The following WTAP variants were observed in gnomAD, a reference collection of about 807,000 sequenced individuals.
The protein encoded by WTAP is pre-mRNA-splicing regulator WTAP.
A neutral mutation model predicts 50.0 loss-of-function variants in WTAP; 8 were observed. The observed-to-expected ratio is 0.16, with a 90% CI of 0.09 to 0.29. The LOEUF (loss-of-function observed/expected upper bound fraction) is 0.29, where lower values mean the gene tolerates loss of function less well. WTAP is among the 10% of genes least tolerant of loss of function. The pLI is 1.00. For synonymous variants in WTAP, 194 were observed against 169.0 expected (o/e 1.15, Z -1.15); for missense variants, 295 against 470.7 (o/e 0.63, Z 3.45).
chr6:159,740,256 A>G (rs1779172348), intron 3 of WTAP, among the ~76,000 whole-genome samples: 1 of 152,028 alleles, frequency 6.6e-6, no homozygotes, highest in East Asian at 1.9e-4. Context: ...GTAGGAGGGG[A>G]AAAATCAGTA....
At chr6:159,737,433 A>G (rs557397124) in intron 2 of WTAP, among the ~76,000 whole-genome samples, 40 of 152,176 alleles carry the variant, frequency 2.6e-4, no homozygotes, top group Non-Finnish European at 4.6e-4. Flanking sequence ...AATTTGAAAC[A>G]TTTTTAAGGA....
intron 2 of WTAP, among the ~76,000 whole-genome samples, chr6:159,736,906 A>G (rs753145546): frequency 6.6e-6 from 1 of 152,240 alleles, no homozygotes; most frequent in Non-Finnish European, 1.5e-5. Context: ...CAATTGGGAA[A>G]GCTTACTAAA....
At chr6:159,735,324 A>G (rs928235384) in intron 1 of WTAP, among the ~76,000 whole-genome samples, 1 of 152,140 alleles carries the variant, frequency 6.6e-6, no homozygotes, top group Admixed American at 6.6e-5. Context: ...ATTTTTTGGT[A>G]GAGACCGAGT....
intron 7 of WTAP, among the ~76,000 whole-genome samples, chr6:159,753,969 T>C (rs534283976): frequency 5.3e-5 from 8 of 152,340 alleles, no homozygotes; most frequent in Non-Finnish European, 7.4e-5. Flanking sequence ...GTGTAAATCT[T>C]AGAAACATGG....
chr6:159,735,227 G>A (rs1429195212), intron 1 of WTAP, among the ~76,000 whole-genome samples: 5 of 152,100 alleles, frequency 3.3e-5, no homozygotes, highest in African/African-American at 4.8e-5. Flanking sequence ...TGCAACCTCC[G>A]CCTCCCAGGT....
intron 4 of WTAP, among the ~76,000 whole-genome samples, chr6:159,742,643 A>ATCACATACTATTTGTTGAG (rs1259253970): frequency 1.3e-5 from 2 of 152,158 alleles, no homozygotes; most frequent in African/African-American, 4.8e-5. Context: ...TACTGTTTGA[A>ATCACATACTATTTGTTGAG]TCACATACTA....
chr6:159,739,242 G>A (rs893429222), intron 3 of WTAP, among the ~76,000 whole-genome samples, 197 bp downstream of exon 3: 1 of 152,062 alleles, frequency 6.6e-6, no homozygotes, highest in Non-Finnish European at 1.5e-5. Flanking sequence ...AGAACTACTA[G>A]GAAGCTATAA....
chr6:159,754,822 ATAT>A (rs1779945619), intron 7 of WTAP, among the ~76,000 whole-genome samples: 2 of 152,128 alleles, frequency 1.3e-5, no homozygotes, highest in Admixed American at 1.3e-4. Flanking sequence ...GGCCAACTGT[ATAT>A]TATTTTAAGT....
intron 1 of WTAP, among the ~76,000 whole-genome samples, chr6:159,732,876 A>G (rs970097613): frequency 3.2e-5 from 4 of 124,248 alleles, no homozygotes; most frequent in African/African-American, 1.0e-4. Context: ...CTCTCTCTGT[A>G]TATATATATA....
At chr6:159,745,773 CTT>C (rs869190017) in intron 5 of WTAP, among the ~76,000 whole-genome samples, 5 of 152,254 alleles carry the variant, frequency 3.3e-5, no homozygotes, top group African/African-American at 1.2e-4. Flanking sequence ...AGGAACAGGA[CTT>C]TAAGCAGGAA....
chr6:159,739,145 G>A, intron 3 of WTAP, 100 bp downstream of exon 3: 2 of 943,952 alleles, frequency 2.1e-6, no homozygotes, highest in East Asian at 5.3e-5. Context: ...TTTTAATGTT[G>A]TTCTATCCTC....
Position 159,748,605 on chromosome 6 carries a change from G to A in WTAP, c.452+236G>A, listed in dbSNP as rs1056339045. The A allele has an allele frequency of 8.3e-6, 11 of 1,324,540 alleles. No individual in the cohort carries two copies. The highest frequency in any genetic ancestry group is 7.5e-5 in the South Asian group (3 of 40,036). 82.0% of individuals were successfully genotyped at this position (1,324,540 alleles called of 1,614,324 possible). On this transcript the variant is annotated intron_variant, in intron 6 of 7. Transcript: ENST00000621533. The surrounding 1 kb of genome is among the most constrained non-coding windows in gnomAD (Gnocchi z 5.6). ...CTTGCTTCAGAGGCCTGATGGCGTCGGACTATTCCGAAGAAGTGGCCACCT... is the reference window on the plus strand; with the variant it reads ...CTTGCTTCAGAGGCCTGATGGCGTCAGACTATTCCGAAGAAGTGGCCACCT...
intron 6 of WTAP, chr6:159,753,218 T>C (rs993639185): frequency 2.0e-6 from 1 of 502,848 alleles, no homozygotes; most frequent in South Asian, 2.2e-5. Flanking sequence ...ATTATTGATG[T>C]AATAGAAACA....
At chr6:159,737,741 C>A (rs1438625417) in intron 2 of WTAP, among the ~76,000 whole-genome samples, 1 of 152,180 alleles carries the variant, frequency 6.6e-6, no homozygotes, top group African/African-American at 2.4e-5. Flanking sequence ...ATACTCCCGC[C>A]TCAGTCTCCC....
chr6:159,727,414 T>C, upstream of WTAP: 1 of 729,538 alleles, frequency 1.4e-6, no homozygotes, highest in Non-Finnish European at 1.7e-6. Flanking sequence ...GCAGTGGCGC[T>C]GGCCTGCGGC....
At chr6:159,746,838 C>T (rs80325933) in intron 5 of WTAP, among the ~76,000 whole-genome samples, 3,546 of 152,278 alleles carry the variant, frequency 0.023, 76 homozygotes, top group Non-Finnish European at 0.034. Context: ...TTATTCTAGT[C>T]TGATTCACCT....
rs185058447 is a variant in WTAP, at chr6:159,747,559, G to A, written c.274-632G>A. On this transcript the variant is annotated intron_variant, in intron 5 of 7. Transcript: ENST00000621533. The stretch of plus-strand genomic sequence containing the variant: ...TAAAGCTGTAACAGCAACTCTTGTA[G>A]CTATAAGTACTGTATATTTTTTCCT... 8.7e-3 allele frequency among the ~76,000 whole-genome samples: 1,319 copies of A among 152,252 alleles called. 11 individuals are homozygous for A. The highest frequency in any genetic ancestry group is 0.014 in the Non-Finnish European group (951 of 68,004).
rs571993364 is a variant in WTAP, at chr6:159,753,451, C to T, written c.453-9C>T. 6.2e-7 allele frequency: 1 copy of T among 1,614,144 alleles called. No homozygotes were observed. The highest frequency in any genetic ancestry group is 8.5e-7 in the Non-Finnish European group (1 of 1,180,010). ...TTCATTTTGTGATGGATGGCTCTTTCCTTTGCAGCCAAACAGGGAAAAAGT... is the reference window on the plus strand; with the variant it reads ...TTCATTTTGTGATGGATGGCTCTTTTCTTTGCAGCCAAACAGGGAAAAAGT... On this transcript the variant is annotated splice_polypyrimidine_tract_variant and intron_variant, in intron 6 of 7. Coordinates refer to ENST00000621533, the MANE Select transcript of WTAP (RefSeq NM_001270531.2).
chr6:159,750,463 G>A (rs1348185963), intron 6 of WTAP, among the ~76,000 whole-genome samples: 2 of 152,180 alleles, frequency 1.3e-5, no homozygotes, highest in African/African-American at 2.4e-5. Flanking sequence ...TGTCACTCCC[G>A]GATGTGACCT....
Sources: gnomAD v4.1 joint callset for allele counts (sites outside exome capture counted in the v4.1 genomes callset) on GRCh38, gnomAD v4.1.1 for gene constraint, Gnocchi (gnomAD v3.1) non-coding constraint, MANE v1.5 for transcripts, NCBI Gene and HGNC (gene_info 2026-07-23, HGNC 2026-07-21) for gene names.